Variants in MED15 observed in about 807,000 individuals in gnomAD.
The protein encoded by MED15 is mediator of RNA polymerase II transcription subunit 15.
MED15 carries 41 observed loss-of-function variants against 118.7 expected under a neutral mutation model. The observed-to-expected ratio is 0.35, with a 90% CI of 0.27 to 0.45. The LOEUF (loss-of-function observed/expected upper bound fraction) is 0.45. Among genes scored for constraint, MED15 ranks in the 20% least tolerant of loss-of-function variants. The probability of loss-of-function intolerance (pLI) is 1.00; values close to 1 mark genes in which losing one functional copy is unlikely to be tolerated. For missense variants in MED15, 740 were observed against 1,025.5 expected (o/e 0.72, Z 3.80); for synonymous variants, 436 against 413.9 (o/e 1.05, Z -0.65).
chr22:20,587,595 A>G lies in MED15; in HGVS notation c.*891A>G, dbSNP rs2057172371. On this transcript the variant is annotated 3_prime_UTR_variant, in exon 18 of 18. Coordinates refer to ENST00000263205, the MANE Select transcript of MED15 (RefSeq NM_001003891.3). ...GTGCACTACCCCACCATCTGTGATT[A>G]TAATAAATTTATTATTCCTGTGTTT... The G allele has an allele frequency of 6.4e-6, 3 of 470,664 alleles. No homozygotes were observed. The highest frequency in any genetic ancestry group is 6.9e-6 in the Non-Finnish European group (2 of 291,918). 29.2% of individuals were successfully genotyped at this position (470,664 alleles called of 1,614,324 possible).
chr22:20,544,178 C>T (rs1044301036), intron 2 of MED15, among the ~76,000 whole-genome samples: 18 of 152,076 alleles, frequency 1.2e-4, no homozygotes, highest in African/African-American at 2.7e-4. Flanking sequence ...CTTTAACATC[C>T]GCATTTCTAC....
At chr22:20,516,436 A>C (rs2054261548) in intron 1 of MED15, among the ~76,000 whole-genome samples, 1 of 152,192 alleles carries the variant, frequency 6.6e-6, no homozygotes, top group Non-Finnish European at 1.5e-5. Flanking sequence ...CTAACAGCAG[A>C]GGAAGAGCCA....
chr22:20,548,592 C>T (rs1404622558), intron 2 of MED15, among the ~76,000 whole-genome samples: 1 of 152,166 alleles, frequency 6.6e-6, no homozygotes, highest in East Asian at 1.9e-4. Context: ...TGTCGATTTT[C>T]AATTTTGGTG....
At chr22:20,538,780 A>G (rs886339028) in intron 2 of MED15, among the ~76,000 whole-genome samples, 13 of 151,736 alleles carry the variant, frequency 8.6e-5, no homozygotes, top group East Asian at 7.8e-4. Context: ...GCTCACTGCA[A>G]CCTCCGCCTA....
At chr22:20,584,725 A>G in intron 14 of MED15, 130 bp from the exon 15 acceptor site, 2 of 1,177,440 alleles carry the variant, frequency 1.7e-6, no homozygotes, top group Admixed American at 2.1e-5. Context: ...CATTGTCTGC[A>G]CAAGGGTGGA....
At position 20,566,526 on chromosome 22, in the gene MED15, A is replaced by AG. The variant is rs2056446578; in HGVS notation, c.750_751insG (p.Gln251AlafsTer229). On this transcript the variant is annotated frameshift_variant, in exon 7 of 18. Coordinates refer to ENST00000263205, the MANE Select transcript of MED15 (RefSeq NM_001003891.3). LOFTEE classifies it high-confidence loss of function. ...CACAGCTGCAGCTCCAACAACAGCA[A>AG]CAGCAGCAGCAGCAGCAGCAGCAGC... The AG allele has an allele frequency of 4.4e-6, 7 of 1,601,678 alleles. No individual in the cohort carries two copies. The highest frequency in any genetic ancestry group is 3.4e-6 in the Non-Finnish European group (4 of 1,172,156).
At chr22:20,525,682 A>G (rs1281675771) in intron 1 of MED15, among the ~76,000 whole-genome samples, 2 of 151,220 alleles carry the variant, frequency 1.3e-5, no homozygotes, top group Non-Finnish European at 2.9e-5. Context: ...GATTACAGGC[A>G]TGCACCACCA....
At chr22:20,571,884 C>G (rs1202596834) in intron 8 of MED15, among the ~76,000 whole-genome samples, 1 of 152,212 alleles carries the variant, frequency 6.6e-6, no homozygotes, top group African/African-American at 2.4e-5. Context: ...GAGAGAAGGT[C>G]TGGTGTCCTT....
chr22:20,527,734 C>A (rs550658184), intron 1 of MED15, among the ~76,000 whole-genome samples: 2 of 151,930 alleles, frequency 1.3e-5, no homozygotes, highest in African/African-American at 4.8e-5. Flanking sequence ...CGAGGGCAGG[C>A]GGATCACAAG....
intron 1 of MED15, among the ~76,000 whole-genome samples, chr22:20,528,951 T>G (rs1601486310): frequency 1.3e-5 from 2 of 152,204 alleles, no homozygotes. Context: ...CAGGGATATC[T>G]TTCACCCTCT....
intron 9 of MED15, among the ~76,000 whole-genome samples, chr22:20,575,770 A>G (rs1405310892): frequency 1.2e-5 from 1 of 83,356 alleles, no homozygotes; most frequent in Non-Finnish European, 2.8e-5. Flanking sequence ...TTTAAAAACA[A>G]AAAAAAAACC....
chr22:20,586,567 G>A lies in MED15; in HGVS notation c.2231-1G>A, dbSNP rs776551205. On this transcript the variant is annotated splice_acceptor_variant, in intron 17 of 17. Coordinates refer to ENST00000263205, the MANE Select transcript of MED15 (RefSeq NM_001003891.3). LOFTEE classifies it high-confidence loss of function. ...GGTTCACGCCCACTGCTCTGTTGCA[G>A]ACGCCAACCCCTTCCTCCAGTCGGT... 6.2e-7 allele frequency: 1 copy of A among 1,612,304 alleles called. No homozygotes were observed. Among genetic ancestry groups the A allele is most frequent in the East Asian group, 2.2e-5 (1 of 44,864 alleles).
intron 5 of MED15, among the ~76,000 whole-genome samples, chr22:20,561,060 T>C (rs2056221012): frequency 6.6e-6 from 1 of 152,156 alleles, no homozygotes; most frequent in Non-Finnish European, 1.5e-5. Context: ...ATACTTTAAG[T>C]TAAATATGCA....
Position 20,584,430 on chromosome 22 carries a change from GT to G in MED15, c.1803+6del. 1 of 1,613,540 alleles carries G rather than the reference GT, an allele frequency of 6.2e-7. No homozygotes were observed. The highest frequency in any genetic ancestry group is 8.5e-7 in the Non-Finnish European group (1 of 1,179,684). ...CTCAAGAATGACATGGCGGTGGTGA[GT>G]GGGATGCCAGACACCCCTAGGGGAA... is the stretch of plus-strand genomic sequence containing the variant. On this transcript the variant is annotated splice_donor_region_variant and intron_variant, in intron 14 of 17. Coordinates refer to ENST00000263205, the MANE Select transcript of MED15 (RefSeq NM_001003891.3).
intron 1 of MED15, among the ~76,000 whole-genome samples, chr22:20,510,945 G>T (rs1411343794): frequency 6.6e-6 from 1 of 152,184 alleles, no homozygotes; most frequent in Non-Finnish European, 1.5e-5. Context: ...AGTTTCAGAG[G>T]TTGCCTTCCC....
intron 3 of MED15, chr22:20,551,791 C>A: frequency 2.4e-6 from 1 of 419,616 alleles, no homozygotes; most frequent in Non-Finnish European, 4.4e-6. Context: ...GTTGTTTTTA[C>A]TTCTGGGAAG....
chr22:20,564,804 G>T (rs570500598), intron 6 of MED15, 116 bp downstream of exon 6: 2 of 1,513,986 alleles, frequency 1.3e-6, no homozygotes, highest in African/African-American at 1.4e-5. Context: ...CTCTTGACAC[G>T]TGTGCCTGCC....
At chr22:20,559,948 A>G (rs1164584065) in intron 5 of MED15, among the ~76,000 whole-genome samples, 1 of 152,194 alleles carries the variant, frequency 6.6e-6, no homozygotes, top group Non-Finnish European at 1.5e-5. Context: ...AATGTGTATA[A>G]ATCTAAAGCA....
intron 1 of MED15, among the ~76,000 whole-genome samples, chr22:20,529,826 A>C (rs1434009301): frequency 6.6e-6 from 1 of 152,166 alleles, no homozygotes; most frequent in Non-Finnish European, 1.5e-5. Flanking sequence ...TCCGGACCTC[A>C]GGTGATCCAC....
Sources: allele counts gnomAD v4.1 joint callset (sites outside exome capture counted in the v4.1 genomes callset), GRCh38; gene constraint gnomAD v4.1.1; transcripts MANE v1.5; gene names NCBI Gene and HGNC (gene_info 2026-07-23, HGNC 2026-07-21).